The following CERT1 variants were observed in gnomAD, a reference collection of about 807,000 sequenced individuals.
The protein encoded by CERT1 is ceramide transporter 1, also known as ceramide transfer protein.
In CERT1, 31 loss-of-function variants were observed where a neutral mutation model predicts 87.9. The observed-to-expected ratio is 0.35, with a 90% confidence interval of 0.27 to 0.48. The LOEUF (loss-of-function observed/expected upper bound fraction) is 0.48. CERT1 is among the 20% of genes least tolerant of loss of function. CERT1 has a pLI of 0.99. For synonymous variants in CERT1, 289 were observed against 250.9 expected (o/e 1.15, Z -1.44); for missense variants, 487 against 758.0 (o/e 0.64, Z 4.20).
intron 3 of CERT1, among the ~76,000 whole-genome samples, chr5:75,453,290 T>C (rs960478306): frequency 1.3e-5 from 2 of 152,218 alleles, no homozygotes; most frequent in Admixed American, 1.3e-4. Flanking sequence ...TTTACAATAC[T>C]GTAAATTATT....
chr5:75,374,806 G>A (rs1761229992), downstream of CERT1: 1 of 536,694 alleles, frequency 1.9e-6, no homozygotes, highest in African/African-American at 1.9e-5. Flanking sequence ...CAAAGCCCAT[G>A]TAAGGAGCTG....
intron 1 of CERT1, 28 bp downstream of exon 1, chr5:75,511,084 G>A: frequency 6.6e-7 from 1 of 1,519,186 alleles, no homozygotes; most frequent in Non-Finnish European, 8.8e-7. Flanking sequence ...GTCTGGCCAG[G>A]GGTCCCTTGG....
chr5:75,388,196 C>T (rs1199036116), intron 12 of CERT1, among the ~76,000 whole-genome samples: 1 of 152,150 alleles, frequency 6.6e-6, no homozygotes. Context: ...TCTACAATCA[C>T]CTTATCAGAA....
chr5:75,445,837 C>A (rs1413890034), intron 3 of CERT1, among the ~76,000 whole-genome samples: 1 of 152,166 alleles, frequency 6.6e-6, no homozygotes, highest in African/African-American at 2.4e-5. Flanking sequence ...TTCCTTTTAG[C>A]ACTTTGAATA....
intron 3 of CERT1, among the ~76,000 whole-genome samples, chr5:75,432,241 G>C (rs1205022319): frequency 1.3e-5 from 2 of 151,962 alleles, no homozygotes; most frequent in Non-Finnish European, 2.9e-5. Context: ...ATTTTTAGTA[G>C]AGACAGGGTT....
chr5:75,416,285 T>G (rs563448095), intron 7 of CERT1, among the ~76,000 whole-genome samples: 6 of 152,168 alleles, frequency 3.9e-5, no homozygotes, highest in African/African-American at 1.4e-4. Flanking sequence ...TTACTATTAT[T>G]CTAAAGCTGA....
intron 3 of CERT1, among the ~76,000 whole-genome samples, chr5:75,439,756 G>A (rs548993642): frequency 5.9e-4 from 89 of 152,038 alleles, no homozygotes; most frequent in African/African-American, 2.0e-3. Flanking sequence ...CAATACCTAA[G>A]ACAGCAATTT....
intron 3 of CERT1, among the ~76,000 whole-genome samples, chr5:75,434,387 T>C (rs1002329180): frequency 6.6e-6 from 1 of 152,160 alleles, no homozygotes; most frequent in African/African-American, 2.4e-5. Context: ...TGCTGCTGTA[T>C]TCAATTTGCT....
At chr5:75,469,610 A>C (rs1765624223) in intron 2 of CERT1, among the ~76,000 whole-genome samples, 1 of 152,172 alleles carries the variant, frequency 6.6e-6, no homozygotes. Context: ...TAAATACAAA[A>C]AATAAATATA....
chr5:75,481,550 AAC>A (rs955500321), intron 2 of CERT1, among the ~76,000 whole-genome samples: 1 of 152,214 alleles, frequency 6.6e-6, no homozygotes, highest in Non-Finnish European at 1.5e-5. Flanking sequence ...GCCTAAGAGG[AAC>A]AGACTCCCAA....
chr5:75,402,616 G>T (rs1762539606), intron 9 of CERT1: 1 of 167,994 alleles, frequency 6.0e-6, no homozygotes, highest in Non-Finnish European at 1.3e-5. Flanking sequence ...GGCCAATATG[G>T]TAAAACCCCG....
intron 2 of CERT1, among the ~76,000 whole-genome samples, chr5:75,494,685 C>A (rs1766975088): frequency 6.6e-6 from 1 of 152,138 alleles, no homozygotes; most frequent in African/African-American, 2.4e-5. Flanking sequence ...TGATGTAGAT[C>A]TAGTTTTGAG....
chr5:75,487,717 G>A (rs1434957229), intron 2 of CERT1, among the ~76,000 whole-genome samples: 1 of 151,950 alleles, frequency 6.6e-6, no homozygotes, highest in African/African-American at 2.4e-5. Context: ...GCACATATGA[G>A]AAAAGGTATT....
intron 2 of CERT1, among the ~76,000 whole-genome samples, chr5:75,459,425 A>G (rs1434702452): frequency 6.6e-6 from 1 of 152,212 alleles, no homozygotes; most frequent in Non-Finnish European, 1.5e-5. Flanking sequence ...TATTTCTAAA[A>G]CAGAGCTGAT....
chr5:75,458,535 G>T (rs1462593217), intron 3 of CERT1, among the ~76,000 whole-genome samples: 1 of 151,900 alleles, frequency 6.6e-6, no homozygotes, highest in East Asian at 1.9e-4. Context: ...TTTTGATGTA[G>T]TTAACAATGA....
At chr5:75,381,524 T>TAA (rs779062129) in intron 15 of CERT1, among the ~76,000 whole-genome samples, 1 of 142,950 alleles carries the variant, frequency 7.0e-6, no homozygotes, top group African/African-American at 2.6e-5. Context: ...CCTGGCTAAT[T>TAA]AAAAAAAAAA....
intron 2 of CERT1, among the ~76,000 whole-genome samples, chr5:75,465,034 C>T (rs1006321373): frequency 7.2e-5 from 11 of 152,160 alleles, no homozygotes; most frequent in South Asian, 4.1e-4. Flanking sequence ...TCTGCCATGA[C>T]GGACATGGTT....
intron 2 of CERT1, among the ~76,000 whole-genome samples, chr5:75,476,751 A>G (rs80190495): frequency 0.026 from 3,959 of 152,308 alleles, 144 homozygotes; most frequent in African/African-American, 0.085. Context: ...CTGCTATCCT[A>G]AACAACACTG....
chr5:75,435,356 T>G (rs959527796), intron 3 of CERT1, among the ~76,000 whole-genome samples: 1 of 152,262 alleles, frequency 6.6e-6, no homozygotes, highest in African/African-American at 2.4e-5. Flanking sequence ...TTCCTTGGAC[T>G]GCATTTCAAC....
Sources: gnomAD v4.1 joint callset for allele counts (sites outside exome capture counted in the v4.1 genomes callset) on GRCh38, gnomAD v4.1.1 for gene constraint, MANE v1.5 for transcripts, NCBI Gene and HGNC (gene_info 2026-07-23, HGNC 2026-07-21) for gene names.